TDRD9: variants seen among roughly 807,000 people sequenced by gnomAD.
TDRD9 encodes the protein tudor domain containing 9, also known as ATP-dependent RNA helicase TDRD9.
A neutral mutation model predicts 172.6 loss-of-function variants in TDRD9; 124 were observed. That is an observed-to-expected ratio of 0.72 (90% CI 0.62 to 0.83). TDRD9 has a LOEUF of 0.83. Among genes scored for constraint, TDRD9 ranks in the 40% least tolerant of loss-of-function variants. The pLI, the probability that TDRD9 is intolerant of heterozygous loss-of-function variation, is 0.00. For missense variants in TDRD9, 1,479 were observed against 1,714.1 expected, an observed-to-expected ratio of 0.86 and a Z score of 2.42; for synonymous variants, 619 against 617.1, an observed-to-expected ratio of 1.00 and a Z score of -0.05.
At position 104,018,169 on chromosome 14, in the gene TDRD9, A is replaced by G. The variant is rs771150372; in HGVS notation, c.2409A>G (p.Lys803=). The change falls in exon 23 of 36, where the codon AAA becomes AAG. Residue 803 remains lysine, a synonymous_variant. Transcript: ENST00000409874. The part of the protein sequence containing the change: ...QSLFRQCGQV[K]SIVFDGAKAF... ...TCTTTAGACAGTGTGGTCAAGTCAA[A>G]TCCATTGTATTTGATGGTGCAAAGT... is the stretch of plus-strand genomic sequence containing the variant. 6 of 1,601,424 alleles carry G rather than the reference A, an allele frequency of 3.7e-6. No homozygotes were observed. Among genetic ancestry groups the G allele is most frequent in the South Asian group, 1.1e-5 (1 of 89,846 alleles).
Position 104,042,061 on chromosome 14 carries a change from A to G in TDRD9, c.3856-8A>G, listed in dbSNP as rs751915949. 2 of 1,556,486 alleles carry G rather than the reference A, an allele frequency of 1.3e-6. No individual in the cohort carries two copies. Among genetic ancestry groups the G allele is most frequent in the East Asian group, 4.5e-5 (2 of 44,394 alleles). On this transcript the variant is annotated splice_region_variant and splice_polypyrimidine_tract_variant and intron_variant, in intron 33 of 35. Coordinates refer to ENST00000409874, the MANE Select transcript of TDRD9 (RefSeq NM_153046.3). ...CTTATGAGTGTTTATGTTGCTGTTC[A>G]TTTACAGGTTAATATTCTCAGGGCT... is the stretch of plus-strand genomic sequence containing the variant.
intron 30 of TDRD9, among the ~76,000 whole-genome samples, chr14:104,033,616 G>C (rs1384734527): frequency 1.3e-5 from 2 of 152,146 alleles, no homozygotes; most frequent in Non-Finnish European, 2.9e-5. Flanking sequence ...CCAGGATGCA[G>C]GTGATGGCCC....
rs774458228 is a variant in TDRD9 at position 104,026,084 on chromosome 14, A to G, written c.2969A>G (p.Asp990Gly). The G allele has an allele frequency of 5.6e-5, 91 of 1,611,806 alleles. 1 individual carries two copies. In the South Asian group the frequency reaches 1.0e-3, roughly 18 times the overall value. ...GATTATGGCAATAAGTCTCATGTAG[A>G]TCTACATCTTTTGATGGAGATTCCC... ...FVDYGNKSHV[D>G]LHLLMEIPCQ... The change falls in exon 27 of 36, where the codon GAT becomes GGT. Residue 990 changes from aspartate to glycine, a missense_variant. Coordinates refer to ENST00000409874, the MANE Select transcript of TDRD9 (RefSeq NM_153046.3).
At chr14:103,981,320 A>G (rs150307115) in intron 7 of TDRD9, among the ~76,000 whole-genome samples, 17 of 152,342 alleles carry the variant, frequency 1.1e-4, no homozygotes, top group Non-Finnish European at 2.2e-4. Flanking sequence ...CAGAGCTCAC[A>G]ACACTTAGAT....
Position 104,003,010 on chromosome 14 carries a change from T to A in TDRD9, c.1484-1228T>A, listed in dbSNP as rs117227242. ...TCCCAAAGTGCTGGGATTACAGGTG[T>A]AGGCTAAACTTAATTTAACAACTTT... On this transcript the variant is annotated intron_variant, in intron 13 of 35. Coordinates refer to ENST00000409874, the MANE Select transcript of TDRD9 (RefSeq NM_153046.3). Among the ~76,000 whole-genome samples, 28 of 152,256 alleles carry A rather than the reference T, an allele frequency of 1.8e-4. 1 individual carries two copies. In the East Asian group the frequency reaches 5.0e-3, roughly 27 times the overall value.
intron 32 of TDRD9, among the ~76,000 whole-genome samples, chr14:104,036,694 T>G (rs2035459399): frequency 6.6e-6 from 1 of 152,234 alleles, no homozygotes; most frequent in Non-Finnish European, 1.5e-5. Flanking sequence ...CTGACATACT[T>G]GGTATTTAAA....
At chr14:104,039,664 G>A (rs933322239) in intron 32 of TDRD9, among the ~76,000 whole-genome samples, 3 of 152,214 alleles carry the variant, frequency 2.0e-5, no homozygotes, top group Admixed American at 6.5e-5. Context: ...CTATTAGGGA[G>A]TGATAAAGGT....
At chr14:104,003,473 C>A (rs187562181) in intron 13 of TDRD9, among the ~76,000 whole-genome samples, 12 of 152,298 alleles carry the variant, frequency 7.9e-5, no homozygotes, top group African/African-American at 2.4e-4. Flanking sequence ...TGCCAAGAGG[C>A]CTTCACCCTT....
chr14:104,011,968 G>A (rs888787879), intron 20 of TDRD9, among the ~76,000 whole-genome samples: 1 of 152,148 alleles, frequency 6.6e-6, no homozygotes, highest in African/African-American at 2.4e-5. Context: ...CAGGCTACCA[G>A]GTGTCCTTTC....
chr14:104,044,300 C>G (rs532703470), intron 34 of TDRD9, among the ~76,000 whole-genome samples: 10 of 152,232 alleles, frequency 6.6e-5, no homozygotes, highest in African/African-American at 2.2e-4. Flanking sequence ...CAGATGCCAC[C>G]TGCTTGACTA....
At chr14:103,934,116 A>C (rs2030590465) in intron 1 of TDRD9, among the ~76,000 whole-genome samples, 1 of 152,006 alleles carries the variant, frequency 6.6e-6, no homozygotes, top group Admixed American at 6.6e-5. Context: ...TCCTGTGCTC[A>C]AGCAATTTTC....
Position 104,018,115 on chromosome 14 carries a change from A to G in TDRD9, c.2355A>G (p.Gly785=), listed in dbSNP as rs1566786499. The G allele has an allele frequency of 6.2e-7, 1 of 1,604,310 alleles. No individual in the cohort carries two copies. The highest frequency in any genetic ancestry group is 1.1e-5 in the South Asian group (1 of 90,098). Residue 785 remains glycine (G), a synonymous_variant, in exon 23 of 36, where the codon GGA becomes GGG. Transcript: ENST00000409874. ...AGTTGAAACACATTCCTCCCTATGG[A>G]TTTCTTTACTATAAACAACTACAGT... The part of the protein sequence containing the change: ...TVVLKHIPPY[G]FLYYKQLQSL...
At chr14:103,944,046 A>G (rs1280866409) in intron 1 of TDRD9, among the ~76,000 whole-genome samples, 1 of 152,238 alleles carries the variant, frequency 6.6e-6, no homozygotes, top group Non-Finnish European at 1.5e-5. Context: ...ATCTTGCCGC[A>G]TACTCCTTTG....
intron 6 of TDRD9, among the ~76,000 whole-genome samples, chr14:103,971,467 G>C (rs2033029408): frequency 6.6e-6 from 1 of 151,816 alleles, no homozygotes; most frequent in Non-Finnish European, 1.5e-5. Context: ...ACCATGCCAG[G>C]CTAATTTTTT....
chr14:103,974,171 C>T (rs2152163999), intron 6 of TDRD9, among the ~76,000 whole-genome samples: 1 of 152,278 alleles, frequency 6.6e-6, no homozygotes, highest in Admixed American at 6.5e-5. Flanking sequence ...CACTGCACTC[C>T]AGCCTGGGTG....
intron 1 of TDRD9, among the ~76,000 whole-genome samples, chr14:103,933,916 T>A (rs1335268239): frequency 6.6e-6 from 1 of 152,228 alleles, no homozygotes; most frequent in East Asian, 1.9e-4. Context: ...CTCCAAGGCA[T>A]GTTGCTTTTT....
intron 13 of TDRD9, among the ~76,000 whole-genome samples, chr14:103,999,224 C>T (rs772628662): frequency 7.2e-5 from 11 of 152,186 alleles, no homozygotes; most frequent in Non-Finnish European, 1.6e-4. Context: ...CATGCTTCTC[C>T]TCTCTTCTAA....
chr14:103,942,313 CT>C (rs2031287470), intron 1 of TDRD9: 1 of 152,154 alleles, frequency 6.6e-6, no homozygotes, highest in Admixed American at 6.5e-5. Context: ...ATTAATTCAC[CT>C]TGTAAGTAAG....
chr14:103,941,343 GAGGAA>G, intron 1 of TDRD9: 1 of 1,286,766 alleles, frequency 7.8e-7, no homozygotes, highest in Non-Finnish European at 1.1e-6. Flanking sequence ...CAAAATATAT[GAGGAA>G]CTTGGACTTA....
Sources: gnomAD v4.1 joint callset for allele counts (sites outside exome capture counted in the v4.1 genomes callset) on GRCh38, gnomAD v4.1.1 for gene constraint, MANE v1.5 for transcripts, NCBI Gene and HGNC (gene_info 2026-07-23, HGNC 2026-07-21) for gene names.